Variants in PRMT8 observed in about 807,000 individuals in gnomAD.
The protein encoded by PRMT8 is protein arginine N-methyltransferase 8.
Under a neutral mutation model 47.1 loss-of-function variants are expected in PRMT8, and 7 were observed. That is an observed-to-expected ratio of 0.15 (90% confidence interval 0.08 to 0.28). The LOEUF (loss-of-function observed/expected upper bound fraction) is 0.28. Among genes scored for constraint, PRMT8 ranks in the 10% least tolerant of loss-of-function variants. PRMT8 has a pLI of 1.00. For missense variants in PRMT8, 237 were observed against 505.4 expected, an observed-to-expected ratio of 0.47 and a Z score of 5.09; for synonymous variants, 188 against 186.5, an observed-to-expected ratio of 1.01 and a Z score of -0.07.
Position 3,550,137 on chromosome 12 carries a change from C to G in PRMT8, c.417+46C>G, listed in dbSNP as rs1451068689. On this transcript the variant is annotated intron_variant, in intron 3 of 9. Transcript: ENST00000382622. The surrounding 1 kb of genome is among the most constrained non-coding windows in gnomAD (Gnocchi z 5.1). ...TGCATGCTGGCTTCCACAGAGCCAG[C>G]CTCTTGCCCTCTGCCTCCACCCGCC... 3.1e-6 allele frequency: 5 copies of G among 1,599,684 alleles called. No homozygotes were observed. Among genetic ancestry groups the G allele is most frequent in the South Asian group, 2.2e-5 (2 of 90,258 alleles).
At position 3,566,496 on chromosome 12, in the gene PRMT8, G is replaced by T. The variant is rs1265581579; in HGVS notation, c.482-2210G>T. Among the ~76,000 whole-genome samples the T allele has an allele frequency of 6.6e-6, 1 of 152,192 alleles. No homozygotes were observed. Among genetic ancestry groups the T allele is most frequent in the Non-Finnish European group, 1.5e-5 (1 of 68,026 alleles). On this transcript the variant is annotated intron_variant, in intron 4 of 9. Coordinates refer to ENST00000382622, the MANE Select transcript of PRMT8 (RefSeq NM_019854.5). The surrounding 1 kb of genome is among the most constrained non-coding windows in gnomAD (Gnocchi z 4.7). ...TCACTGTAGAGTGACCAGGGTCAAT[G>T]CATGTGTACAAAGTGTCTTACTCCT...
chr12:3,448,571 TA>T (rs1864882483), intron 1 of PRMT8, among the ~76,000 whole-genome samples: 1 of 152,184 alleles, frequency 6.6e-6, no homozygotes, highest in African/African-American at 2.4e-5. Flanking sequence ...CAGTGCATTG[TA>T]GACGGTGAGC....
In PRMT8 at chr12:3,483,787, T is replaced by A. The variant is rs562385267; in HGVS notation, c.49-56819T>A. On this transcript the variant is annotated intron_variant, in intron 1 of 9. Coordinates refer to the PRMT8 transcript ENST00000452611. ...CAATGAGTCAAAGAACAATTTTTTT[T>A]CAATAATCTGCGATTTGTGTCATTC... 1.1e-4 allele frequency among the ~76,000 whole-genome samples: 16 copies of A among 152,378 alleles called. No individual in the cohort carries two copies. In the South Asian group the frequency reaches 3.3e-3, roughly 32 times the overall value.
rs147306418 is a variant in PRMT8 at position 3,444,877 on chromosome 12, C to G, written c.48+63435C>G. Among the ~76,000 whole-genome samples the G allele has an allele frequency of 6.3e-3, 957 of 152,288 alleles. 12 individuals carry two copies. The highest frequency in any genetic ancestry group is 0.022 in the African/African-American group (922 of 41,572). On this transcript the variant is annotated intron_variant, in intron 1 of 9. Transcript: ENST00000452611. ...TCGGGTGCCTGGCAGCAAACCCCAC[C>G]CGGGGCTATGGCGTTGCAAGGAAAA...
intron 8 of PRMT8, among the ~76,000 whole-genome samples, chr12:3,590,060 C>T (rs901062112): frequency 6.6e-6 from 1 of 152,182 alleles, no homozygotes; most frequent in African/African-American, 2.4e-5. Flanking sequence ...TGGACTTTGT[C>T]TGCAGACAGC....
At chr12:3,416,139 G>A (rs911516179) in intron 1 of PRMT8, among the ~76,000 whole-genome samples, 5 of 152,140 alleles carry the variant, frequency 3.3e-5, no homozygotes, top group African/African-American at 7.2e-5. Context: ...AGGTCTCCTC[G>A]CTCCACGGGC....
chr12:3,397,501 G>A (rs1864265872), intron 1 of PRMT8, among the ~76,000 whole-genome samples: 1 of 150,952 alleles, frequency 6.6e-6, no homozygotes, highest in African/African-American at 2.4e-5. Flanking sequence ...CTGCTGGGGG[G>A]TGCCTCCCAG....
At chr12:3,521,394 C>T (rs553046435) in intron 1 of PRMT8, among the ~76,000 whole-genome samples, 74 of 150,774 alleles carry the variant, frequency 4.9e-4, no homozygotes, top group African/African-American at 1.7e-3. Flanking sequence ...GCCAACATGA[C>T]GAAACCCCGT....
chr12:3,571,997 A>G (rs886524753), intron 6 of PRMT8, among the ~76,000 whole-genome samples: 1 of 152,200 alleles, frequency 6.6e-6, no homozygotes, highest in Non-Finnish European at 1.5e-5. Flanking sequence ...CCTTTCAGAA[A>G]GTAAGTTGTT....
At chr12:3,568,936 A>C in intron 5 of PRMT8, 88 bp downstream of exon 5, 1 of 1,547,304 alleles carries the variant, frequency 6.5e-7, no homozygotes, top group Non-Finnish European at 8.8e-7. Flanking sequence ...GCATACGAAG[A>C]CTTCAGAGAA....
In PRMT8 at chr12:3,535,142, C is replaced by T. The variant is rs866338358; in HGVS notation, c.76-5464C>T. Reference sequence around the variant, plus strand: ...ATCCCCACCCCTGCTTGTGGAAATCCGACCCACCCTTCAAGGACGAGCTCA... The same window carrying T: ...ATCCCCACCCCTGCTTGTGGAAATCTGACCCACCCTTCAAGGACGAGCTCA... On this transcript the variant is annotated intron_variant, in intron 1 of 9. Transcript: ENST00000382622. The surrounding 1 kb of genome is among the most constrained non-coding windows in gnomAD (Gnocchi z 4.7). Among the ~76,000 whole-genome samples the T allele has an allele frequency of 2.0e-5, 3 of 152,196 alleles. No individual in the cohort carries two copies. Among genetic ancestry groups the T allele is most frequent in the Non-Finnish European group, 2.9e-5 (2 of 68,036 alleles).
At chr12:3,427,151 A>G (rs1372320990) in intron 1 of PRMT8, among the ~76,000 whole-genome samples, 2 of 152,062 alleles carry the variant, frequency 1.3e-5, no homozygotes, top group Non-Finnish European at 2.9e-5. Flanking sequence ...TATATTTGAC[A>G]ATGTTTTCTG....
intron 4 of PRMT8, among the ~76,000 whole-genome samples, chr12:3,559,989 C>T (rs1484365171): frequency 6.6e-6 from 1 of 152,206 alleles, no homozygotes; most frequent in Non-Finnish European, 1.5e-5. Flanking sequence ...GAATAGCTGC[C>T]CTCGTGCCCA....
intron 1 of PRMT8, among the ~76,000 whole-genome samples, chr12:3,466,514 C>T: frequency 6.6e-6 from 1 of 152,138 alleles, no homozygotes; most frequent in East Asian, 1.9e-4. Context: ...TCAATGTTCT[C>T]TAGCCCAAGA....
At chr12:3,431,583 G>A (rs746791332) in intron 1 of PRMT8, among the ~76,000 whole-genome samples, 4 of 152,072 alleles carry the variant, frequency 2.6e-5, no homozygotes, top group Non-Finnish European at 5.9e-5. Context: ...AAACCACAAG[G>A]GAATGGCATC....
chr12:3,564,014 C>A lies in PRMT8; in HGVS notation c.482-4692C>A, dbSNP rs1301689866. Among the ~76,000 whole-genome samples the A allele has an allele frequency of 2.0e-5, 3 of 151,782 alleles. No homozygotes were observed. Among genetic ancestry groups the A allele is most frequent in the Admixed American group, 6.6e-5 (1 of 15,250 alleles). On this transcript the variant is annotated intron_variant, in intron 4 of 9. Transcript: ENST00000382622. This position sits in a 1 kb window ranked among gnomAD's most constrained non-coding sequence, Gnocchi z 4.0. ...CTGAATGTTTGTGAGGAGTCAAATGCTCCGCTATATCCTGGAAATAGGAAG... is the reference window on the plus strand; with the variant it reads ...CTGAATGTTTGTGAGGAGTCAAATGATCCGCTATATCCTGGAAATAGGAAG...
intron 8 of PRMT8, among the ~76,000 whole-genome samples, chr12:3,585,344 G>A (rs949230173): frequency 3.0e-5 from 2 of 65,836 alleles, no homozygotes; most frequent in African/African-American, 5.7e-5. Flanking sequence ...AGAAAATGAT[G>A]CTTTTTTTTT....
intron 1 of PRMT8, among the ~76,000 whole-genome samples, chr12:3,513,306 G>A (rs1335929768): frequency 6.6e-6 from 1 of 152,264 alleles, no homozygotes; most frequent in East Asian, 1.9e-4. Context: ...TGGGGATTCT[G>A]GAAGCCTCTT....
chr12:3,496,214 A>ATATATATATATATATATATATATATT, intron 1 of PRMT8, among the ~76,000 whole-genome samples: 1 of 27,776 alleles, frequency 3.6e-5, no homozygotes, highest in African/African-American at 8.8e-5. Flanking sequence ...ATATATATAT[A>ATATATATATATATATATATATATATT]TTTTTTTTTT....
Sources: allele counts gnomAD v4.1 joint callset (sites outside exome capture counted in the v4.1 genomes callset), GRCh38; gene constraint gnomAD v4.1.1; non-coding constraint Gnocchi (gnomAD v3.1); transcripts MANE v1.5; gene names NCBI Gene and HGNC (gene_info 2026-07-23, HGNC 2026-07-21).